The following SH3D19 variants were observed in gnomAD, a reference collection of about 807,000 sequenced individuals.
SH3D19 encodes SH3 domain containing 19.
Under a neutral mutation model 112.1 loss-of-function variants are expected in SH3D19, and 58 were observed. The observed-to-expected ratio is 0.52, with a 90% CI of 0.42 to 0.64. The LOEUF is 0.64. Ranked by LOEUF, SH3D19 falls within the 30% of genes least tolerant of loss-of-function variation. The probability of loss-of-function intolerance (pLI) is 0.00; values close to 1 mark genes in which losing one functional copy is unlikely to be tolerated. For missense variants in SH3D19, 1,090 were observed against 1,263.4 expected, an observed-to-expected ratio of 0.86 and a Z score of 2.08; for synonymous variants, 391 against 448.5, an observed-to-expected ratio of 0.87 and a Z score of 1.62.
At chr4:151,209,763 C>G (rs1199133802) in intron 2 of SH3D19, among the ~76,000 whole-genome samples, 1 of 152,100 alleles carries the variant, frequency 6.6e-6, no homozygotes, top group Non-Finnish European at 1.5e-5. Context: ...TGCCTTGAAT[C>G]CAAGTGATCT....
intron 2 of SH3D19, among the ~76,000 whole-genome samples, chr4:151,206,049 GATTTA>G (rs1765059383): frequency 6.6e-6 from 1 of 152,146 alleles, no homozygotes; most frequent in Non-Finnish European, 1.5e-5. Context: ...TGAGAATTGT[GATTTA>G]ATTACCAAAG....
At chr4:151,195,397 A>G (rs1376421021) in intron 2 of SH3D19, among the ~76,000 whole-genome samples, 2 of 119,658 alleles carry the variant, frequency 1.7e-5, no homozygotes, top group African/African-American at 6.9e-5. Flanking sequence ...AAAAAAAAAA[A>G]GAAAAAGAAA....
intron 1 of SH3D19, among the ~76,000 whole-genome samples, chr4:151,230,399 C>T (rs1015761505): frequency 6.6e-6 from 1 of 152,140 alleles, no homozygotes; most frequent in Non-Finnish European, 1.5e-5. Flanking sequence ...GTAAGACATT[C>T]AGGCTTTGAT....
At chr4:151,211,162 C>T (rs1164039340) in intron 2 of SH3D19, among the ~76,000 whole-genome samples, 2 of 151,754 alleles carry the variant, frequency 1.3e-5, no homozygotes, top group Non-Finnish European at 2.9e-5. Flanking sequence ...CCCAGCTACT[C>T]GAGAGGCTGA....
chr4:151,290,504 G>A (rs1214763796), intron 1 of SH3D19, among the ~76,000 whole-genome samples: 4 of 152,196 alleles, frequency 2.6e-5, no homozygotes, highest in Admixed American at 6.5e-5. Context: ...TAGAGGCAGA[G>A]AGTGGACTAC....
intron 9 of SH3D19, among the ~76,000 whole-genome samples, chr4:151,157,983 AAATTAGAGCTAGACAG>A (rs1342075797): frequency 6.6e-6 from 1 of 152,194 alleles, no homozygotes; most frequent in Non-Finnish European, 1.5e-5. Flanking sequence ...AAATAATACA[AAATTAGAGCTAGACAG>A]GAGGAATAAA....
intron 1 of SH3D19, among the ~76,000 whole-genome samples, chr4:151,276,591 T>TCA (rs1202940677): frequency 2.6e-5 from 4 of 152,116 alleles, no homozygotes; most frequent in African/African-American, 9.7e-5. Context: ...TGCAAACGCA[T>TCA]CACAGTTCAA....
chr4:151,321,351 C>T (rs1372009685), intron 1 of SH3D19, among the ~76,000 whole-genome samples: 1 of 152,122 alleles, frequency 6.6e-6, no homozygotes, highest in African/African-American at 2.4e-5. Flanking sequence ...CCACTTCTTG[C>T]CCTTGGCTAG....
chr4:151,138,635 T>C (rs2149754243), intron 13 of SH3D19, among the ~76,000 whole-genome samples: 1 of 150,990 alleles, frequency 6.6e-6, no homozygotes, highest in East Asian at 2.0e-4. Flanking sequence ...TTCAAGGTTA[T>C]AGTGATTGCA....
chr4:151,139,686 A>C, intron 13 of SH3D19, 89 bp downstream of exon 13: 1 of 1,136,226 alleles, frequency 8.8e-7, no homozygotes. Flanking sequence ...AAAATGAAGA[A>C]GGATGTCCTT....
chr4:151,175,492 G>A lies in SH3D19; in HGVS notation c.712C>T (p.Pro238Ser). ...TGCTCTTTAATGTGAGAATCTCTGG[G>A]TATTGGTCTGAGGTTGCTTTTTGAT... Reference protein sequence around the residue: ...PRSKSNLRPIPRDSHIKEQSQ... With the variant: ...PRSKSNLRPISRDSHIKEQSQ... Residue 238 changes from proline (P) to serine (S), a missense_variant, in exon 7 of 20, where the codon CCC becomes TCC. Pro to Ser is a moderately conservative substitution (Grantham distance 74). Coordinates refer to ENST00000604030, the MANE Select transcript of SH3D19 (RefSeq NM_001378122.1). 1.4e-6 allele frequency: 2 copies of A among 1,457,494 alleles called. No individual in the cohort carries two copies. The highest frequency in any genetic ancestry group is 1.8e-6 in the Non-Finnish European group (2 of 1,109,196). 90.3% of individuals were successfully genotyped at this position (1,457,494 alleles called of 1,614,324 possible).
chr4:151,137,600 G>T, intron 14 of SH3D19, 132 bp downstream of exon 14: 3 of 695,752 alleles, frequency 4.3e-6, no homozygotes, highest in South Asian at 6.8e-5. Context: ...CTTTATTTTT[G>T]AATTTTCCAA....
chr4:151,148,315 T>C (rs2149776568), intron 10 of SH3D19, 129 bp from the exon 11 acceptor site: 4 of 983,962 alleles, frequency 4.1e-6, no homozygotes, highest in Non-Finnish European at 5.8e-6. Flanking sequence ...GCTAGTGGAA[T>C]ACAGTTTACT....
At position 151,120,838 on chromosome 4, in the gene SH3D19, C is replaced by T. The variant is rs1747884413; in HGVS notation, c.*1253G>A. 6.6e-6 allele frequency: 1 copy of T among 152,504 alleles called. No individual in the cohort carries two copies. The highest frequency in any genetic ancestry group is 1.5e-5 in the Non-Finnish European group (1 of 68,034). The allele number at this position is 152,504 out of a possible 1,614,324, so 9.4% of individuals were successfully genotyped here. A position where few individuals can be genotyped will look rare whatever the true frequency, so the allele number is the denominator to read the frequency against. ...CTCAAAAACAGAAGAAAGTCATGAC[C>T]ATTGTTGGGAAAGTGTTTTACATTT... On this transcript the variant is annotated 3_prime_UTR_variant, in exon 20 of 20. Transcript: ENST00000604030.
chr4:151,130,645 T>C (rs939939190), intron 17 of SH3D19, among the ~76,000 whole-genome samples: 12 of 151,998 alleles, frequency 7.9e-5, no homozygotes, highest in Admixed American at 7.2e-4. Flanking sequence ...GAGAAACGTA[T>C]AAAGAAATGG....
rs887025191 is a variant in SH3D19, at chr4:151,158,699, T to A, written c.1755+541A>T. 3.5e-3 allele frequency among the ~76,000 whole-genome samples: 514 copies of A among 147,568 alleles called. 1 individual carries two copies. Among genetic ancestry groups the A allele is most frequent in the Middle Eastern group, 0.022 (6 of 276 alleles). On this transcript the variant is annotated intron_variant, in intron 9 of 19. Transcript: ENST00000604030. ...TGGAAGACCAAAAAAAAAAAATAAA[T>A]AAAAGTATTGAGGATATTGAAGTTG...
chr4:151,240,147 G>A (rs1283323213), intron 1 of SH3D19, among the ~76,000 whole-genome samples: 1 of 152,038 alleles, frequency 6.6e-6, no homozygotes, highest in African/African-American at 2.4e-5. Flanking sequence ...TTATGGGCCT[G>A]TAGTCCCAGC....
At chr4:151,141,850 G>C (rs1753050739) in intron 12 of SH3D19, among the ~76,000 whole-genome samples, 1 of 152,176 alleles carries the variant, frequency 6.6e-6, no homozygotes, top group Admixed American at 6.5e-5. Flanking sequence ...AAATGGACCA[G>C]AGGCCTAAAC....
intron 2 of SH3D19, among the ~76,000 whole-genome samples, chr4:151,194,635 C>T (rs1487884062): frequency 2.7e-5 from 4 of 148,470 alleles, no homozygotes; most frequent in Non-Finnish European, 4.5e-5. Flanking sequence ...AGGCTGGTCT[C>T]GAACTCCTGA....
Sources: gnomAD v4.1 joint callset for allele counts (sites outside exome capture counted in the v4.1 genomes callset) on GRCh38, gnomAD v4.1.1 for gene constraint, MANE v1.5 for transcripts, NCBI Gene and HGNC (gene_info 2026-07-23, HGNC 2026-07-21) for gene names.